Variants in ILRUN observed in about 807,000 individuals in gnomAD.
The protein encoded by ILRUN is protein ILRUN.
Under a neutral mutation model 33.8 loss-of-function variants are expected in ILRUN, and 3 were observed. That is an observed-to-expected ratio of 0.09 (90% CI 0.04 to 0.23). ILRUN has a LOEUF of 0.23. Ranked by LOEUF, ILRUN falls within the 10% of genes least tolerant of loss-of-function variation. The pLI is 1.00. For synonymous variants in ILRUN, 124 were observed against 138.9 expected (o/e 0.89, Z 0.75); for missense variants, 210 against 375.1 (o/e 0.56, Z 3.64).
intron 3 of ILRUN, chr6:34,616,957 G>A (rs1761904038): frequency 1.2e-5 from 7 of 562,538 alleles, no homozygotes; most frequent in South Asian, 1.0e-4. Flanking sequence ...CAAATCTGAA[G>A]TCAGTAAATG....
intron 1 of ILRUN, among the ~76,000 whole-genome samples, chr6:34,679,817 A>C (rs1367828556): frequency 6.6e-6 from 1 of 152,244 alleles, no homozygotes; most frequent in Non-Finnish European, 1.5e-5. Flanking sequence ...ATTTGGAGAC[A>C]CACAAGGAAA....
At chr6:34,619,244 A>G (rs1761960471) in intron 3 of ILRUN, among the ~76,000 whole-genome samples, 1 of 152,162 alleles carries the variant, frequency 6.6e-6, no homozygotes, top group Non-Finnish European at 1.5e-5. Flanking sequence ...TTATTTGTTA[A>G]CAGCAAGAAA....
intron 4 of ILRUN, among the ~76,000 whole-genome samples, chr6:34,601,355 C>G (rs950267250): frequency 6.6e-6 from 1 of 152,156 alleles, no homozygotes; most frequent in East Asian, 1.9e-4. Flanking sequence ...CAAGTTACAC[C>G]GATTTTCCAT....
At chr6:34,651,188 G>A (rs1479928004) in intron 2 of ILRUN, among the ~76,000 whole-genome samples, 2 of 152,066 alleles carry the variant, frequency 1.3e-5, no homozygotes, top group African/African-American at 2.4e-5. Flanking sequence ...CAGCTGGGGG[G>A]ACAACTTCCA....
At chr6:34,612,723 A>G (rs540828767) in intron 3 of ILRUN, among the ~76,000 whole-genome samples, 1 of 152,308 alleles carries the variant, frequency 6.6e-6, no homozygotes, top group South Asian at 2.1e-4. Context: ...CCTGGGCAAC[A>G]TGGTGAAACC....
chr6:34,651,643 CACTATTAAGTAAACAAG>C (rs1020761662), intron 2 of ILRUN, among the ~76,000 whole-genome samples: 7 of 151,556 alleles, frequency 4.6e-5, no homozygotes, highest in Non-Finnish European at 1.0e-4. Context: ...TCATTGTTTT[CACTATTAAGTAAACAAG>C]GTACTGACTT....
At position 34,624,293 on chromosome 6, in the gene ILRUN, A is replaced by G. The variant is rs919953864; in HGVS notation, c.512-17389T>C. 3.9e-5 allele frequency among the ~76,000 whole-genome samples: 6 copies of G among 152,122 alleles called. 1 individual carries two copies. The highest frequency in any genetic ancestry group is 1.5e-5 in the Non-Finnish European group (1 of 68,016). On this transcript the variant is annotated intron_variant, in intron 3 of 4. Coordinates refer to ENST00000374023, the MANE Select transcript of ILRUN (RefSeq NM_024294.4). ...TTCTATAACTAGAAAGTCAAATTCT[A>G]GACTACCAACTAATTACCTAATTTA...
At chr6:34,609,471 C>A (rs1761699515) in intron 3 of ILRUN, among the ~76,000 whole-genome samples, 1 of 151,514 alleles carries the variant, frequency 6.6e-6, no homozygotes, top group South Asian at 2.1e-4. Context: ...GCCTGGATGA[C>A]AGAGTAAGAG....
At chr6:34,686,376 T>C (rs1763518118) in intron 1 of ILRUN, among the ~76,000 whole-genome samples, 1 of 151,034 alleles carries the variant, frequency 6.6e-6, no homozygotes, top group African/African-American at 2.4e-5. Context: ...GGCGGGCGCC[T>C]GTAGTCCCAG....
chr6:34,636,037 G>A (rs1366423973), intron 3 of ILRUN, among the ~76,000 whole-genome samples: 1 of 152,122 alleles, frequency 6.6e-6, no homozygotes, highest in Non-Finnish European at 1.5e-5. Context: ...AGGAAGAATT[G>A]CTTGAGGCCA....
At chr6:34,694,415 A>C (rs1029939865) in intron 1 of ILRUN, among the ~76,000 whole-genome samples, 10 of 152,224 alleles carry the variant, frequency 6.6e-5, no homozygotes, top group Admixed American at 6.5e-4. Context: ...GAAGAAAAAG[A>C]GCCAGAGGTG....
chr6:34,638,804 T>A (rs746410882), intron 3 of ILRUN, among the ~76,000 whole-genome samples: 2 of 152,164 alleles, frequency 1.3e-5, no homozygotes, highest in Non-Finnish European at 2.9e-5. Context: ...ACAGTGAGCA[T>A]CTTATGGAGG....
chr6:34,647,531 C>T (rs1354224946), intron 2 of ILRUN, among the ~76,000 whole-genome samples: 1 of 151,956 alleles, frequency 6.6e-6, no homozygotes, highest in Admixed American at 6.6e-5. Flanking sequence ...GTCAATCAGA[C>T]CTGTCAAAGG....
At chr6:34,678,711 C>T (rs1339015269) in intron 1 of ILRUN, among the ~76,000 whole-genome samples, 3 of 150,600 alleles carry the variant, frequency 2.0e-5, no homozygotes, top group Non-Finnish European at 3.0e-5. Context: ...AAAAATTAGC[C>T]GGGTGTGGTG....
chr6:34,682,601 G>C (rs530134604), intron 1 of ILRUN, among the ~76,000 whole-genome samples: 4 of 151,840 alleles, frequency 2.6e-5, no homozygotes, highest in Non-Finnish European at 5.9e-5. Context: ...AGCCTCCCAA[G>C]TAGCTGGGAC....
intron 3 of ILRUN, among the ~76,000 whole-genome samples, chr6:34,633,231 T>C (rs1320763150): frequency 6.7e-6 from 1 of 149,868 alleles, no homozygotes; most frequent in Non-Finnish European, 1.5e-5. Context: ...TAAAAGATAA[T>C]GCTAATATGT....
intron 1 of ILRUN, among the ~76,000 whole-genome samples, chr6:34,690,048 C>A (rs1763614125): frequency 6.6e-6 from 1 of 151,944 alleles, no homozygotes; most frequent in African/African-American, 2.4e-5. Context: ...AGAAATAAGG[C>A]CAATATTAAC....
chr6:34,664,015 A>G (rs1762947699), intron 1 of ILRUN, among the ~76,000 whole-genome samples: 1 of 152,160 alleles, frequency 6.6e-6, no homozygotes, highest in Non-Finnish European at 1.5e-5. Flanking sequence ...AGAAGGAGAA[A>G]CAGGGCCGTG....
chr6:34,671,303 C>T (rs1246625136), intron 1 of ILRUN, among the ~76,000 whole-genome samples: 1 of 152,116 alleles, frequency 6.6e-6, no homozygotes, highest in Non-Finnish European at 1.5e-5. Context: ...GGGGTATCAA[C>T]TGAGTCTGGG....
Sources: gnomAD v4.1 joint callset for allele counts (sites outside exome capture counted in the v4.1 genomes callset) on GRCh38, gnomAD v4.1.1 for gene constraint, MANE v1.5 for transcripts, NCBI Gene and HGNC (gene_info 2026-07-23, HGNC 2026-07-21) for gene names.